RAD51B: variants seen among roughly 807,000 people sequenced by gnomAD.
The protein encoded by RAD51B is DNA repair protein RAD51 homolog 2.
RAD51B carries 38 observed loss-of-function variants against 42.2 expected under a neutral mutation model. The ratio of observed to expected loss-of-function variants is 0.90; its 90% CI spans 0.70 to 1.18. RAD51B has a LOEUF of 1.18. Ranked by LOEUF, RAD51B falls within the 50% of genes most tolerant of loss-of-function variation. The probability of loss-of-function intolerance (pLI) is 0.00; values close to 1 mark genes in which losing one functional copy is unlikely to be tolerated. For missense variants in RAD51B, 373 were observed against 400.7 expected (o/e 0.93, Z 0.59); for synonymous variants, 154 against 145.2 (o/e 1.06, Z -0.43).
chr14:68,574,510 C>T (rs935053652), intron 10 of RAD51B, among the ~76,000 whole-genome samples: 2 of 152,204 alleles, frequency 1.3e-5, no homozygotes, highest in Non-Finnish European at 2.9e-5. Context: ...CTTTGTGGAT[C>T]TCTACCAAAA....
chr14:68,464,554 A>G (rs2085926270), intron 9 of RAD51B, among the ~76,000 whole-genome samples: 1 of 152,252 alleles, frequency 6.6e-6, no homozygotes, highest in Non-Finnish European at 1.5e-5. Context: ...CAGTAAGACC[A>G]AGCTAGAATT....
chr14:68,025,287 A>T (rs999948259), intron 7 of RAD51B, among the ~76,000 whole-genome samples: 1 of 152,092 alleles, frequency 6.6e-6, no homozygotes, highest in East Asian at 1.9e-4. Flanking sequence ...TTTATCAGGG[A>T]TATTGGCCTG....
chr14:68,647,916 G>A (rs1005633082), intron 10 of RAD51B, among the ~76,000 whole-genome samples: 1 of 151,032 alleles, frequency 6.6e-6, no homozygotes, highest in Admixed American at 6.6e-5. Flanking sequence ...AACCTTAGGG[G>A]ATCCACCCGC....
chr14:68,679,828 G>A (rs1893389295), intron 11 of RAD51B, among the ~76,000 whole-genome samples: 1 of 152,232 alleles, frequency 6.6e-6, no homozygotes. Flanking sequence ...AGTTGTAGGT[G>A]TTCTATAACG....
intron 7 of RAD51B, among the ~76,000 whole-genome samples, chr14:67,976,674 A>G (rs2075001520): frequency 6.6e-6 from 1 of 152,104 alleles, no homozygotes; most frequent in African/African-American, 2.4e-5. Flanking sequence ...TCATGTCTAA[A>G]ACACCAAAAG....
At chr14:68,315,414 C>T (rs1169341247) in intron 8 of RAD51B, among the ~76,000 whole-genome samples, 1 of 152,226 alleles carries the variant, frequency 6.6e-6, no homozygotes, top group Non-Finnish European at 1.5e-5. Context: ...GCATGTATTG[C>T]TCCCTATGTT....
intron 9 of RAD51B, among the ~76,000 whole-genome samples, chr14:68,425,338 T>C (rs183069532): frequency 6.6e-6 from 1 of 152,342 alleles, no homozygotes; most frequent in African/African-American, 2.4e-5. Context: ...TAAGTAGTAG[T>C]TTACTTAATG....
At chr14:68,536,550 T>C (rs1388309236) in intron 10 of RAD51B, among the ~76,000 whole-genome samples, 3 of 152,226 alleles carry the variant, frequency 2.0e-5, no homozygotes, top group African/African-American at 7.2e-5. Context: ...CTCTATTTCT[T>C]TGGAAGGAAC....
At chr14:68,675,684 T>G (rs898928692) in intron 11 of RAD51B, among the ~76,000 whole-genome samples, 1 of 152,230 alleles carries the variant, frequency 6.6e-6, no homozygotes, top group African/African-American at 2.4e-5. Context: ...CACATCAGAT[T>G]AAGGTAGATA....
At chr14:68,629,255 A>G (rs1355775450) in intron 10 of RAD51B, among the ~76,000 whole-genome samples, 1 of 152,170 alleles carries the variant, frequency 6.6e-6, no homozygotes, top group Non-Finnish European at 1.5e-5. Context: ...GCTGGCATTC[A>G]TTGGGACTAC....
intron 4 of RAD51B, among the ~76,000 whole-genome samples, chr14:67,863,497 A>G (rs2042227818): frequency 6.6e-6 from 1 of 152,108 alleles, no homozygotes; most frequent in Admixed American, 6.5e-5. Context: ...TATCTAGATG[A>G]TTTAGACTCA....
chr14:67,904,605 G>C (rs1407035795), intron 7 of RAD51B, among the ~76,000 whole-genome samples: 3 of 150,474 alleles, frequency 2.0e-5, no homozygotes, highest in African/African-American at 7.4e-5. Context: ...CTGCCTCCCA[G>C]GTTCAAGTGA....
At chr14:67,911,528 G>A (rs1319059280) in intron 7 of RAD51B, among the ~76,000 whole-genome samples, 1 of 152,116 alleles carries the variant, frequency 6.6e-6, no homozygotes, top group African/African-American at 2.4e-5. Flanking sequence ...CTCCAGGCAT[G>A]CTATTGTGAA....
chr14:68,103,574 T>C (rs776947769), intron 7 of RAD51B, among the ~76,000 whole-genome samples: 79 of 152,362 alleles, frequency 5.2e-4, no homozygotes, highest in Middle Eastern at 3.4e-3. Context: ...TATTTCGTTA[T>C]AATGTTTATG....
intron 11 of RAD51B, among the ~76,000 whole-genome samples, chr14:68,682,671 TC>T (rs1446548161): frequency 6.6e-6 from 1 of 152,064 alleles, no homozygotes; most frequent in Non-Finnish European, 1.5e-5. Context: ...ATGGTTCCCA[TC>T]CTGCTCCCCT....
intron 4 of RAD51B, among the ~76,000 whole-genome samples, chr14:67,863,916 C>T (rs34050208): frequency 0.12 from 18,870 of 152,024 alleles, 1,590 homozygotes; most frequent in Middle Eastern, 0.27. Context: ...GTTGGGAGGC[C>T]TCAGGAAACT....
intron 7 of RAD51B, among the ~76,000 whole-genome samples, chr14:68,139,734 C>G (rs934547558): frequency 6.6e-6 from 1 of 152,182 alleles, no homozygotes; most frequent in East Asian, 1.9e-4. Context: ...ATTGGTAAAA[C>G]ACTTTAAGCC....
chr14:67,821,744 G>A (rs921368357), intron 1 of RAD51B, among the ~76,000 whole-genome samples: 2 of 152,092 alleles, frequency 1.3e-5, no homozygotes, highest in African/African-American at 4.8e-5. Context: ...TTGTAGGCGT[G>A]AGCTACCTTG....
At chr14:68,614,832 A>G (rs941865402), downstream of RAD51B, among the ~76,000 whole-genome samples, 1 of 152,208 alleles carries the variant, frequency 6.6e-6, no homozygotes, top group African/African-American at 2.4e-5. Flanking sequence ...ATTCATATAC[A>G]GTGTGTGTGG....
Sources: allele counts gnomAD v4.1 joint callset (sites outside exome capture counted in the v4.1 genomes callset), GRCh38; gene constraint gnomAD v4.1.1; transcripts MANE v1.5; gene names NCBI Gene and HGNC (gene_info 2026-07-23, HGNC 2026-07-21).